Variants in OS9 observed in about 807,000 individuals in gnomAD.
OS9 encodes OS9 endoplasmic reticulum lectin.
Under a neutral mutation model 84.7 loss-of-function variants are expected in OS9, and 58 were observed. The ratio of observed to expected loss-of-function variants is 0.68; its 90% CI spans 0.55 to 0.85. OS9 has a LOEUF of 0.85. OS9 is among the 40% of genes least tolerant of loss of function. The pLI is 0.00. For missense variants in OS9, 760 were observed against 850.9 expected (o/e 0.89, Z 1.33); for synonymous variants, 278 against 320.8 (o/e 0.87, Z 1.43).
chr12:57,694,387 A>C, intron 1 of OS9, 64 bp downstream of exon 1: 1 of 1,550,698 alleles, frequency 6.4e-7, no homozygotes, highest in Non-Finnish European at 8.9e-7. Flanking sequence ...ATAGAGGAAG[A>C]AGGGCAGCTC....
At chr12:57,718,807 A>G (rs1301115234) in intron 11 of OS9, among the ~76,000 whole-genome samples, 186 bp from the exon 12 acceptor site, 1 of 151,282 alleles carries the variant, frequency 6.6e-6, no homozygotes, top group Non-Finnish European at 1.5e-5. Context: ...TGGAAGGCTG[A>G]GGCAAGAGAA....
chr12:57,719,217 CTGT>C (rs774308277), intron 12 of OS9, 35 bp downstream of exon 12: 3 of 1,583,672 alleles, frequency 1.9e-6, no homozygotes, highest in Non-Finnish European at 8.6e-7. Context: ...GTAGCCCAGT[CTGT>C]TGTTTTCATC....
rs1339437000 is a variant in OS9, at chr12:57,721,443, G to C, written c.*534G>C. 3 of 155,294 alleles carry C rather than the reference G, an allele frequency of 1.9e-5. No individual in the cohort carries two copies. Among genetic ancestry groups the C allele is most frequent in the Non-Finnish European group, 4.3e-5 (3 of 69,794 alleles). 9.6% of individuals were successfully genotyped at this position (155,294 alleles called of 1,614,324 possible). A position where few individuals can be genotyped will look rare whatever the true frequency, so the allele number is the denominator to read the frequency against. ...TTGAGGAGCCTTCACCTCTGTTGCT[G>C]AGGAAATGGTAGAATGCTGCCTATC... On this transcript the variant is annotated 3_prime_UTR_variant, in exon 15 of 15. Transcript: ENST00000315970.
At chr12:57,695,538 A>T in intron 2 of OS9, 2 of 688,638 alleles carry the variant, frequency 2.9e-6, no homozygotes. Context: ...AAAATCTTTT[A>T]AAAGGGAGGA....
rs528242135 is a variant in OS9, at chr12:57,719,211, C to T, written c.1600+29C>T. 42 of 1,595,408 alleles carry T rather than the reference C, an allele frequency of 2.6e-5. No homozygotes were observed. In the African/African-American group the frequency reaches 5.5e-4, roughly 21 times the overall value. ...AGAGCAGTCAGACAAGAAAGAGTAGCCCAGTCTGTTGTTTTCATCCCTCAG... is the reference window on the plus strand; with the variant it reads ...AGAGCAGTCAGACAAGAAAGAGTAGTCCAGTCTGTTGTTTTCATCCCTCAG... On this transcript the variant is annotated intron_variant, in intron 12 of 14. Coordinates refer to ENST00000315970, the MANE Select transcript of OS9 (RefSeq NM_006812.4).
At chr12:57,712,066 G>A (rs530168947) in intron 5 of OS9, among the ~76,000 whole-genome samples, 3 of 152,196 alleles carry the variant, frequency 2.0e-5, no homozygotes, top group African/African-American at 7.2e-5. Context: ...GTGTATCTGT[G>A]GTTCCCTGTC....
rs773431561 is a variant in OS9 at position 57,716,121 on chromosome 12, G to C, written c.820G>C (p.Glu274Gln). The C allele has an allele frequency of 6.2e-7, 1 of 1,613,750 alleles. No homozygotes were observed. The highest frequency in any genetic ancestry group is 1.1e-5 in the South Asian group (1 of 91,068). Residue 274 changes from glutamate (E) to glutamine (Q), a missense_variant, in exon 7 of 15, where the codon GAG becomes CAG. Physicochemically the swap from Glu to Gln is conservative, Grantham distance 29. Coordinates refer to ENST00000315970, the MANE Select transcript of OS9 (RefSeq NM_006812.4). ...DSKQYGDKII[E>Q]ELQDLGPQVW... ...AAAGCAGTATGGAGATAAAATCATA[G>C]AGGAGCTGCAAGATCTAGGCCCCCA...
Position 57,720,436 on chromosome 12 carries a change from G to C in OS9, c.1796G>C (p.Trp599Ser), listed in dbSNP as rs781766416. The C allele has an allele frequency of 6.2e-7, 1 of 1,614,082 alleles. No homozygotes were observed. The highest frequency in any genetic ancestry group is 8.5e-7 in the Non-Finnish European group (1 of 1,179,876). The change falls in exon 14 of 15, where the codon TGG (tryptophan) becomes TCG (serine). Residue 599 changes from tryptophan to serine, a missense_variant. Transcript: ENST00000315970. Reference sequence around the variant, plus strand: ...ATTGAGATCAAAATTGTCCGCCCATGGGCTGAAGGGACTGAAGAGGGTGCA... The same window carrying C: ...ATTGAGATCAAAATTGTCCGCCCATCGGCTGAAGGGACTGAAGAGGGTGCA... ...GKIEIKIVRP[W>S]AEGTEEGARW...
At chr12:57,716,285 G>GC (rs1161627125) in intron 7 of OS9, 92 bp downstream of exon 7, 6 of 760,230 alleles carry the variant, frequency 7.9e-6, no homozygotes, top group Admixed American at 2.2e-5. Context: ...GGGGTGGGGG[G>GC]GGGTGGAAAA....
intron 5 of OS9, 132 bp downstream of exon 5, chr12:57,696,505 C>G (rs934294517): frequency 1.8e-6 from 1 of 547,398 alleles, no homozygotes; most frequent in East Asian, 3.8e-5. Flanking sequence ...AAGTTTAAAA[C>G]ATATTTCCAG....
rs547511485 is a variant in OS9, at chr12:57,718,748, C to T, written c.1411-245C>T. Among the ~76,000 whole-genome samples, 6 of 152,282 alleles carry T rather than the reference C, an allele frequency of 3.9e-5. No homozygotes were observed. In the East Asian group the frequency reaches 1.2e-3, roughly 29 times the overall value. ...GGCGAAACCCTCTCTACTAAAAATG[C>T]AAACAAATTGGCCAGGCATGGCAGT... is the stretch of plus-strand genomic sequence containing the variant. On this transcript the variant is annotated intron_variant, in intron 11 of 14. Transcript: ENST00000315970.
intron 7 of OS9, 21 bp from the exon 8 acceptor site, chr12:57,716,391 T>C (rs944294691): frequency 2.0e-6 from 3 of 1,534,144 alleles, no homozygotes; most frequent in African/African-American, 2.8e-5. Context: ...GATCAGTCTC[T>C]CCCTGTTCTC....
chr12:57,718,895 C>T lies in OS9; in HGVS notation c.1411-98C>T, dbSNP rs1954591550. 5 of 868,522 alleles carry T rather than the reference C, an allele frequency of 5.8e-6. No homozygotes were observed. The East Asian group carries it at 1.2e-4, about 21-fold the overall frequency. The allele number at this position is 868,522 out of a possible 1,614,324, so 53.8% of individuals were successfully genotyped here. The stretch of plus-strand genomic sequence containing the variant: ...ACTCCAGCCTGGGTGATAAGCAAAA[C>T]TCCATTTCAAAATATCAGACTCTCC... On this transcript the variant is annotated intron_variant, in intron 11 of 14. Coordinates refer to ENST00000315970, the MANE Select transcript of OS9 (RefSeq NM_006812.4).
rs1224059943 is a variant in OS9, at chr12:57,694,170, G to A, written c.9G>A (p.Ala3=). Reference sequence around the variant, plus strand: ...AAGAAGGGGAACGAAAGATGGCGGCGGAAACGCTGCTGTCCAGTTTGTTAG... The same window carrying A: ...AAGAAGGGGAACGAAAGATGGCGGCAGAAACGCTGCTGTCCAGTTTGTTAG... MA[A]ETLLSSLLGL... Residue 3 remains alanine (A), a synonymous_variant, in exon 1 of 15, where the codon GCG becomes GCA. Coordinates refer to ENST00000315970, the MANE Select transcript of OS9 (RefSeq NM_006812.4). The A allele has an allele frequency of 6.2e-7, 1 of 1,614,006 alleles. No individual in the cohort carries two copies. The highest frequency in any genetic ancestry group is 1.7e-5 in the Admixed American group (1 of 60,000).
In OS9 at chr12:57,696,467, G is replaced by GA. The variant is rs1221006262; in HGVS notation, c.579+94_579+95insA. ...ATCTTATAGTCGGGGCGGGGGCGGG[G>GA]GGGGTCCCCTCCCAGACCCTAAATC... On this transcript the variant is annotated intron_variant, in intron 5 of 14. Transcript: ENST00000315970. 7.7e-6 allele frequency: 4 copies of GA among 517,852 alleles called. 1 individual carries two copies. The highest frequency in any genetic ancestry group is 3.4e-6 in the Non-Finnish European group (1 of 295,862). The allele number at this position is 517,852 out of a possible 1,614,324, so 32.1% of individuals were successfully genotyped here.
chr12:57,714,708 G>A (rs1407371021), intron 5 of OS9, among the ~76,000 whole-genome samples: 1 of 152,132 alleles, frequency 6.6e-6, no homozygotes, highest in African/African-American at 2.4e-5. Flanking sequence ...GGATCTTCCT[G>A]CCTCAGTCTC....
At chr12:57,696,230 G>A in intron 4 of OS9, 45 bp from the exon 5 acceptor site, 1 of 1,474,304 alleles carries the variant, frequency 6.8e-7, no homozygotes, top group Non-Finnish European at 9.4e-7. Context: ...CTTCCTCTTT[G>A]CTATCTTTCT....
At position 57,716,740 on chromosome 12, in the gene OS9, C is replaced by A. The variant is rs1232622370; in HGVS notation, c.1041C>A (p.Pro347=). Residue 347 remains proline, a synonymous_variant, in exon 9 of 15, where the codon CCC becomes CCA. Transcript: ENST00000315970. ...CAGCAGATTCAGCTTCTGGTGCTCCCAATGGTGAGTGAACCTTCCATGTCT... is the reference window on the plus strand; with the variant it reads ...CAGCAGATTCAGCTTCTGGTGCTCCAAATGGTGAGTGAACCTTCCATGTCT... ...PEAADSASGA[P]NDFQNNVQVK... is the part of the protein sequence containing the mutation. The A allele has an allele frequency of 6.2e-7, 1 of 1,613,396 alleles. No homozygotes were observed. The highest frequency in any genetic ancestry group is 1.7e-5 in the Admixed American group (1 of 60,022).
rs189067708 is a variant in OS9, at chr12:57,710,258, C to T, written c.580-5502C>T. 8.0e-3 allele frequency among the ~76,000 whole-genome samples: 1,215 copies of T among 152,248 alleles called. 7 individuals carry two copies. Among genetic ancestry groups the T allele is most frequent in the Non-Finnish European group, 0.011 (779 of 68,000 alleles). ...AGTTTAAGTTTTCTTTTCAGGAGTT[C>T]ATTTCATCTAACTTTTAAGATTTAT... On this transcript the variant is annotated intron_variant, in intron 5 of 14. Transcript: ENST00000315970.
Sources: gnomAD v4.1 joint callset for allele counts (sites outside exome capture counted in the v4.1 genomes callset) on GRCh38, gnomAD v4.1.1 for gene constraint, MANE v1.5 for transcripts, NCBI Gene and HGNC (gene_info 2026-07-23, HGNC 2026-07-21) for gene names.